Variants in JAK2 observed in about 807,000 individuals in gnomAD.
JAK2 encodes Janus kinase 2, also known as tyrosine-protein kinase JAK2.
A neutral mutation model predicts 139.3 loss-of-function variants in JAK2; 86 were observed. The observed-to-expected ratio is 0.62, with a 90% CI of 0.52 to 0.74. JAK2 has a LOEUF of 0.74. Ranked by LOEUF, JAK2 falls within the 30% of genes least tolerant of loss-of-function variation. The probability of loss-of-function intolerance (pLI) is 0.00; values close to 1 mark genes in which losing one functional copy is unlikely to be tolerated. For synonymous variants in JAK2, 490 were observed against 437.7 expected, an observed-to-expected ratio of 1.12 and a Z score of -1.49; for missense variants, 1,421 against 1,360.3, an observed-to-expected ratio of 1.04 and a Z score of -0.70.
At chr9:5,115,514 G>A (rs1823073529) in intron 22 of JAK2, among the ~76,000 whole-genome samples, 2 of 152,172 alleles carry the variant, frequency 1.3e-5, no homozygotes, top group African/African-American at 4.8e-5. Flanking sequence ...AATTCCTCCA[G>A]GATCCAGAGT....
At chr9:5,114,230 C>G (rs1822924589) in intron 22 of JAK2, 10 of 522,698 alleles carry the variant, frequency 1.9e-5, no homozygotes, top group Non-Finnish European at 3.4e-5. Context: ...ACCTGTTCAT[C>G]CGCAAGTTGC....
chr9:5,012,240 T>C (rs972377901), intron 2 of JAK2, among the ~76,000 whole-genome samples: 21 of 152,208 alleles, frequency 1.4e-4, no homozygotes, highest in Admixed American at 6.5e-5. Context: ...GTGTATGTAG[T>C]TGTCTCAGGA....
intron 8 of JAK2, among the ~76,000 whole-genome samples, chr9:5,061,451 C>A (rs1189574301): frequency 6.6e-6 from 1 of 152,260 alleles, no homozygotes; most frequent in Admixed American, 6.5e-5. Flanking sequence ...TCAGCATTTG[C>A]TGCTTCACCT....
chr9:5,038,356 A>G (rs1007167593), intron 4 of JAK2, among the ~76,000 whole-genome samples: 1 of 152,116 alleles, frequency 6.6e-6, no homozygotes, highest in Non-Finnish European at 1.5e-5. Flanking sequence ...ATCACACATT[A>G]AAAAAATTAT....
chr9:5,096,417 G>A lies in JAK2; in HGVS notation c.3059+5506G>A, dbSNP rs190856991. 1.2e-3 allele frequency among the ~76,000 whole-genome samples: 181 copies of A among 152,198 alleles called. 1 individual carries two copies. The South Asian group carries it at 0.012, about 10-fold the overall frequency. ...AATTAAGCTAAGTCCTTGCTAGATC[G>A]GTGGAATTCAAACCCACAAAAATTT... On this transcript the variant is annotated intron_variant, in intron 22 of 24. Transcript: ENST00000381652.
chr9:5,087,469 A>G lies in JAK2; in HGVS notation c.2572-2205A>G, dbSNP rs1012973881. 2.6e-4 allele frequency among the ~76,000 whole-genome samples: 13 copies of G among 49,562 alleles called. No homozygotes were observed. The African/African-American group carries it at 3.2e-3, about 12-fold the overall frequency. The allele number at this position is 49,562 out of a possible 152,430, so 32.5% of individuals were successfully genotyped here. On this transcript the variant is annotated intron_variant, in intron 19 of 24. Coordinates refer to ENST00000381652, the MANE Select transcript of JAK2 (RefSeq NM_004972.4). ...ATTTGGGTGAGGACAATGCCAAACC[A>G]TATCACTCCCTTACTTGATTTCTTT...
rs546358668 is a variant in JAK2 at position 5,105,720 on chromosome 9, G to A, written c.3059+14809G>A. Among the ~76,000 whole-genome samples, 12 of 151,956 alleles carry A rather than the reference G, an allele frequency of 7.9e-5. No homozygotes were observed. The East Asian group carries it at 1.9e-3, about 25-fold the overall frequency. ...TGGTACTGCTACCCAAACAGAGATA[G>A]ACCAATGGAACAGAACAGAGGCCTC... On this transcript the variant is annotated intron_variant, in intron 22 of 24. Transcript: ENST00000381652.
intron 15 of JAK2, among the ~76,000 whole-genome samples, 196 bp from the exon 16 acceptor site, chr9:5,078,110 T>C (rs141942512): frequency 9.8e-5 from 15 of 152,334 alleles, no homozygotes; most frequent in African/African-American, 3.6e-4. Flanking sequence ...ATCACAAGCA[T>C]AGATTATTGT....
At position 5,089,724 on chromosome 9, in the gene JAK2, C is replaced by A; in HGVS notation, c.2622C>A (p.Asn874Lys). The A allele has an allele frequency of 6.3e-7, 1 of 1,576,308 alleles. No homozygotes were observed. Among genetic ancestry groups the A allele is most frequent in the South Asian group, 1.2e-5 (1 of 85,836 alleles). The change falls in exon 20 of 25, where the codon AAC (asparagine) becomes AAA (lysine). Residue 874 changes from asparagine to lysine, a missense_variant. Physicochemically the swap from Asn to Lys is moderately conservative, Grantham distance 94. Coordinates refer to ENST00000381652, the MANE Select transcript of JAK2 (RefSeq NM_004972.4). The stretch of plus-strand genomic sequence containing the variant: ...GCCGGTATGACCCTCTACAGGACAA[C>A]ACTGGGGAGGTGGTCGCTGTAAAAA... ...EMCRYDPLQD[N>K]TGEVVAVKKL... is the part of the protein sequence containing the mutation.
chr9:5,034,081 G>T (rs1351112552), intron 4 of JAK2, among the ~76,000 whole-genome samples: 1 of 152,086 alleles, frequency 6.6e-6, no homozygotes, highest in African/African-American at 2.4e-5. Context: ...AAAAGGCAGG[G>T]ATTGCAATCC....
At chr9:4,990,384 G>A (rs1205475184) in intron 2 of JAK2, among the ~76,000 whole-genome samples, 1 of 152,228 alleles carries the variant, frequency 6.6e-6, no homozygotes, top group Non-Finnish European at 1.5e-5. Context: ...GGCAGTGTTA[G>A]TAGCTGGTAG....
At chr9:5,113,101 G>GC (rs1487379668) in intron 22 of JAK2, among the ~76,000 whole-genome samples, 1 of 150,626 alleles carries the variant, frequency 6.6e-6, no homozygotes, top group Non-Finnish European at 1.5e-5. Flanking sequence ...CGCTCCCCCT[G>GC]CCCCCGTATC....
At chr9:5,040,278 C>G (rs1005170155) in intron 4 of JAK2, among the ~76,000 whole-genome samples, 1 of 150,124 alleles carries the variant, frequency 6.7e-6, no homozygotes, top group Admixed American at 6.6e-5. Flanking sequence ...AGACAATCTA[C>G]TTCACACTAT....
chr9:5,062,300 A>T (rs35515110), intron 8 of JAK2, among the ~76,000 whole-genome samples: 13,115 of 151,876 alleles, frequency 0.086, 1,699 homozygotes, highest in African/African-American at 0.29. Context: ...TCCCCCTTGT[A>T]TTCTGAGGGA....
intron 22 of JAK2, among the ~76,000 whole-genome samples, chr9:5,116,549 TA>T (rs1489269612): frequency 6.6e-6 from 1 of 152,130 alleles, no homozygotes; most frequent in Non-Finnish European, 1.5e-5. Flanking sequence ...AATGAAAAAT[TA>T]AAGAGGTTAA....
At chr9:5,040,938 G>A (rs1816451544) in intron 4 of JAK2, 2 of 416,228 alleles carry the variant, frequency 4.8e-6, no homozygotes, top group Admixed American at 3.5e-5. Context: ...GGCCATGGCG[G>A]AGCCAAGGAA....
At chr9:4,995,337 T>C (rs758111481) in intron 2 of JAK2, among the ~76,000 whole-genome samples, 2 of 152,206 alleles carry the variant, frequency 1.3e-5, no homozygotes, top group Non-Finnish European at 2.9e-5. Context: ...CTGTAGATAG[T>C]GTGATTTTGT....
intron 18 of JAK2, among the ~76,000 whole-genome samples, chr9:5,081,127 T>C (rs971607177): frequency 3.9e-4 from 60 of 152,000 alleles, no homozygotes; most frequent in African/African-American, 1.3e-3. Context: ...GATCTCCTGA[T>C]CTTGTGATCC....
In JAK2 at chr9:5,085,218, C is replaced by T. The variant is rs148840595; in HGVS notation, c.2571+3357C>T. 86 of 666,852 alleles carry T rather than the reference C, an allele frequency of 1.3e-4. No individual in the cohort carries two copies. The African/African-American group carries it at 1.4e-3, about 11-fold the overall frequency. 41.3% of individuals were successfully genotyped at this position (666,852 alleles called of 1,614,324 possible). ...TCATAGCATTCATTTCTGGGAACTG[C>T]TGACAGGCAAATAGGACAGGACCAG... is the stretch of plus-strand genomic sequence containing the variant. On this transcript the variant is annotated intron_variant, in intron 19 of 24. Transcript: ENST00000381652.
Sources: allele counts gnomAD v4.1 joint callset (sites outside exome capture counted in the v4.1 genomes callset), GRCh38; gene constraint gnomAD v4.1.1; transcripts MANE v1.5; gene names NCBI Gene and HGNC (gene_info 2026-07-23, HGNC 2026-07-21).